MGLL: variants seen among roughly 807,000 people sequenced by gnomAD.
MGLL encodes the protein monoglyceride lipase.
Under a neutral mutation model 29.1 loss-of-function variants are expected in MGLL, and 7 were observed. That is an observed-to-expected ratio of 0.24 (90% CI 0.14 to 0.45). MGLL has a LOEUF of 0.45. Among genes scored for constraint, MGLL ranks in the 20% least tolerant of loss-of-function variants. The pLI, the probability that MGLL is intolerant of heterozygous loss-of-function variation, is 0.99. For synonymous variants in MGLL, 148 were observed against 168.3 expected (o/e 0.88, Z 0.93); for missense variants, 356 against 413.6 (o/e 0.86, Z 1.21).
chr3:127,722,610 C>G (rs181267266), intron 3 of MGLL, 44 bp from the exon 4 acceptor site: 5 of 1,613,756 alleles, frequency 3.1e-6, no homozygotes, highest in Non-Finnish European at 3.4e-6. Context: ...GTTACCAGGT[C>G]GACTCCTACA....
intron 2 of MGLL, among the ~76,000 whole-genome samples, chr3:127,792,300 C>T (rs1038523423): frequency 2.6e-5 from 4 of 152,170 alleles, no homozygotes; most frequent in African/African-American, 7.2e-5. Context: ...GACAGGGGTT[C>T]GAGAAAGGCT....
chr3:127,710,727 C>T lies in MGLL; in HGVS notation c.511-62G>A, dbSNP rs567862501. 6.6e-6 allele frequency: 9 copies of T among 1,373,284 alleles called. No individual in the cohort carries two copies. In the African/African-American group the frequency reaches 1.3e-4, roughly 20 times the overall value. The allele number at this position is 1,373,284 out of a possible 1,614,324, so 85.1% of individuals were successfully genotyped here. A position where few individuals can be genotyped will look rare whatever the true frequency, so the allele number is the denominator to read the frequency against. ...GTGGCATCCACACCCGGCTCTTCCGCAGTGACAGTTTACAGTACATTAAGG... is the reference window on the plus strand; with the variant it reads ...GTGGCATCCACACCCGGCTCTTCCGTAGTGACAGTTTACAGTACATTAAGG... On this transcript the variant is annotated intron_variant, in intron 5 of 7. Coordinates refer to ENST00000265052, the MANE Select transcript of MGLL (RefSeq NM_007283.7).
chr3:127,729,973 C>CT (rs2076118981), intron 3 of MGLL, among the ~76,000 whole-genome samples: 2 of 152,216 alleles, frequency 1.3e-5, no homozygotes, highest in Admixed American at 1.3e-4. Flanking sequence ...TCAGACTCTC[C>CT]TGGCTGTTCC....
At chr3:127,822,548 G>A (rs1302980439), upstream of MGLL, 1 of 587,550 alleles carries the variant, frequency 1.7e-6, no homozygotes, top group African/African-American at 1.9e-5. Context: ...GCGGGGAGCG[G>A]CGCTGCGATT....
chr3:127,707,249 C>T (rs1357016502), intron 6 of MGLL, among the ~76,000 whole-genome samples: 3 of 152,314 alleles, frequency 2.0e-5, no homozygotes, highest in African/African-American at 4.8e-5. Context: ...CTCTGCCTCC[C>T]GCCTCCACCC....
intron 3 of MGLL, among the ~76,000 whole-genome samples, chr3:127,736,780 G>A (rs1201670493): frequency 2.0e-5 from 3 of 152,012 alleles, no homozygotes; most frequent in African/African-American, 4.8e-5. Flanking sequence ...CTGCAGCCTC[G>A]ACCTCCTGGG....
At chr3:127,726,194 GAAA>G (rs2076040218) in intron 3 of MGLL, among the ~76,000 whole-genome samples, 2 of 75,024 alleles carry the variant, frequency 2.7e-5, no homozygotes, top group East Asian at 3.9e-4. Context: ...GAAAAGAAAA[GAAA>G]GAAAGAAAGA....
rs918190214 is a variant in MGLL at position 127,717,431 on chromosome 3, G to C, written c.510+3622C>G. 2.0e-5 allele frequency among the ~76,000 whole-genome samples: 3 copies of C among 152,204 alleles called. No homozygotes were observed. The East Asian group carries it at 5.8e-4, about 29-fold the overall frequency. The stretch of plus-strand genomic sequence containing the variant: ...GCAAGACATTTGGCCTCATTTCCTT[G>C]TCTGTAAATTGGGAATAATTTCCCC... On this transcript the variant is annotated intron_variant, in intron 5 of 7. Coordinates refer to ENST00000265052, the MANE Select transcript of MGLL (RefSeq NM_007283.7).
chr3:127,717,754 G>A (rs926969414), intron 5 of MGLL, among the ~76,000 whole-genome samples: 1 of 152,226 alleles, frequency 6.6e-6, no homozygotes, highest in East Asian at 1.9e-4. Context: ...AGAAAGGAGG[G>A]GCCCTGCAGC....
chr3:127,699,054 C>T (rs976186069), intron 6 of MGLL, among the ~76,000 whole-genome samples: 1 of 152,170 alleles, frequency 6.6e-6, no homozygotes, highest in African/African-American at 2.4e-5. Flanking sequence ...CTTTTTTTCC[C>T]CGGGGTGGGG....
intron 3 of MGLL, among the ~76,000 whole-genome samples, chr3:127,762,094 GA>G (rs1559952957): frequency 2.0e-5 from 3 of 152,152 alleles, no homozygotes; most frequent in Non-Finnish European, 2.9e-5. Context: ...GAAATGAAAT[GA>G]AATAGAGAAT....
At chr3:127,758,135 C>T (rs1284054895) in intron 3 of MGLL, among the ~76,000 whole-genome samples, 1 of 152,138 alleles carries the variant, frequency 6.6e-6, no homozygotes, top group East Asian at 1.9e-4. Flanking sequence ...ACTGGCCACC[C>T]CCTTTTCCCC....
chr3:127,697,662 T>C (rs527694482), intron 6 of MGLL, among the ~76,000 whole-genome samples: 1 of 152,336 alleles, frequency 6.6e-6, no homozygotes, highest in East Asian at 1.9e-4. Context: ...AGGCAGGGGC[T>C]GTGTGCACAT....
At chr3:127,712,806 A>G (rs560705595) in intron 5 of MGLL, 2 of 152,426 alleles carry the variant, frequency 1.3e-5, no homozygotes, top group Admixed American at 1.3e-4. Flanking sequence ...AGCTCCAAGA[A>G]CGAGCCTGGG....
At chr3:127,705,075 C>A (rs566364439) in intron 6 of MGLL, among the ~76,000 whole-genome samples, 12 of 152,128 alleles carry the variant, frequency 7.9e-5, no homozygotes, top group Non-Finnish European at 1.6e-4. Context: ...TTTGCAGGGA[C>A]GTGGGTGAAG....
Position 127,710,613 on chromosome 3 carries a change from G to A in MGLL, c.563C>T (p.Pro188Leu). ...CCGAGAGAGCACGCTGGAGTCGATGGGCCCGAGGGACAAGTTTGGCAGCAC... is the reference window on the plus strand; with the variant it reads ...CCGAGAGAGCACGCTGGAGTCGATGAGCCCGAGGGACAAGTTTGGCAGCAC... ...NLVLPNLSLG[P>L]IDSSVLSRNK... is the part of the protein sequence containing the mutation. Residue 188 changes from proline (P) to leucine (L), a missense_variant, in exon 6 of 8, where the codon CCC (proline) becomes CTC (leucine). Pro to Leu is a moderately conservative substitution (Grantham distance 98, BLOSUM62 -3). Transcript: ENST00000265052. 1 of 1,572,560 alleles carries A rather than the reference G, an allele frequency of 6.4e-7. No homozygotes were observed. The highest frequency in any genetic ancestry group is 2.3e-5 in the East Asian group (1 of 43,110).
At chr3:127,758,709 G>C (rs187832719) in intron 3 of MGLL, among the ~76,000 whole-genome samples, 3 of 152,188 alleles carry the variant, frequency 2.0e-5, no homozygotes, top group Admixed American at 1.3e-4. Flanking sequence ...CCTTTAAAAG[G>C]GTCTTTAAAA....
At chr3:127,772,213 A>G (rs1489088026) in intron 3 of MGLL, among the ~76,000 whole-genome samples, 2 of 152,188 alleles carry the variant, frequency 1.3e-5, no homozygotes, top group Admixed American at 1.3e-4. Context: ...CCAAGGCCGC[A>G]CAGGTAGTAA....
intron 3 of MGLL, among the ~76,000 whole-genome samples, chr3:127,772,012 A>T (rs2076956544): frequency 6.6e-6 from 1 of 152,108 alleles, no homozygotes; most frequent in South Asian, 2.1e-4. Flanking sequence ...AGGGCATCTG[A>T]GCTTCGCACT....
Sources: gnomAD v4.1 joint callset for allele counts (sites outside exome capture counted in the v4.1 genomes callset) on GRCh38, gnomAD v4.1.1 for gene constraint, MANE v1.5 for transcripts, NCBI Gene and HGNC (gene_info 2026-07-23, HGNC 2026-07-21) for gene names.